KLK10: variants seen among roughly 807,000 people sequenced by gnomAD.
KLK10 encodes kallikrein-10.
In KLK10, 27 loss-of-function variants were observed where a neutral mutation model predicts 25.7. The observed-to-expected ratio is 1.05, with a 90% CI of 0.77 to 1.45. KLK10 has a LOEUF of 1.45. KLK10 is among the 40% of genes most tolerant of loss of function. The pLI is 0.00. For missense variants in KLK10, 386 were observed against 370.0 expected (o/e 1.04, Z -0.35); for synonymous variants, 173 against 160.1 (o/e 1.08, Z -0.61).
rs760749338 is a variant in KLK10 at position 51,014,955 on chromosome 19, G to C, written c.679-3C>G. 17 of 1,612,146 alleles carry C rather than the reference G, an allele frequency of 1.1e-5. No individual in the cohort carries two copies. The South Asian group carries it at 1.9e-4, about 18-fold the overall frequency. On this transcript the variant is annotated splice_region_variant and splice_polypyrimidine_tract_variant and intron_variant, in intron 5 of 5. Coordinates refer to ENST00000358789, the MANE Select transcript of KLK10 (RefSeq NM_145888.3). Reference sequence around the variant, plus strand: ...ACCAGGGGGCCTCCAGAGTCACTCTGGGGGTGGCAGGAAGGAGAGATCAAA... The same window carrying C: ...ACCAGGGGGCCTCCAGAGTCACTCTCGGGGTGGCAGGAAGGAGAGATCAAA...
At chr19:51,017,408 G>T (rs751044170) in intron 2 of KLK10, 118 bp from the exon 3 acceptor site, 7 of 903,778 alleles carry the variant, frequency 7.7e-6, no homozygotes, top group African/African-American at 3.4e-5. Context: ...AGAACGCGAG[G>T]GTGGTAGGGA....
At chr19:51,016,571 T>C (rs2091331068) in intron 3 of KLK10, among the ~76,000 whole-genome samples, 1 of 150,762 alleles carries the variant, frequency 6.6e-6, no homozygotes, top group African/African-American at 2.4e-5. Flanking sequence ...CCTTTTTTTT[T>C]TTTTAATTTT....
chr19:51,016,963 C>CAA, intron 3 of KLK10, 147 bp downstream of exon 3: 1 of 824,360 alleles, frequency 1.2e-6, no homozygotes, highest in East Asian at 2.8e-5. Flanking sequence ...GGCCACAGCG[C>CAA]AAGCCCGGTC....
chr19:51,016,820 TA>T (rs1294658377), intron 3 of KLK10, among the ~76,000 whole-genome samples: 1 of 152,114 alleles, frequency 6.6e-6, no homozygotes, highest in African/African-American at 2.4e-5. Context: ...CCTTTAGTTC[TA>T]AATTCCTGAC....
Position 51,014,798 on chromosome 19 carries a change from G to A in KLK10, c.*2C>T, listed in dbSNP as rs1189597539. 1 of 1,576,012 alleles carries A rather than the reference G, an allele frequency of 6.3e-7. No individual in the cohort carries two copies. On this transcript the variant is annotated 3_prime_UTR_variant, in exon 6 of 6. Transcript: ENST00000358789. ...TGGATCAGCTGGAGCGTAGCATCTG[G>A]ATCAGTTGGAGCGTATGACTTTATT...
chr19:51,018,245 G>C (rs1256849816), intron 2 of KLK10, among the ~76,000 whole-genome samples: 1 of 134,500 alleles, frequency 7.4e-6, no homozygotes, highest in Non-Finnish European at 1.6e-5. Context: ...AAAAATAAGA[G>C]AGAAAGTAAA....
chr19:51,016,443 G>A (rs993090326), intron 3 of KLK10, among the ~76,000 whole-genome samples: 3 of 151,930 alleles, frequency 2.0e-5, no homozygotes, highest in African/African-American at 4.8e-5. Context: ...ACCCAGGCTA[G>A]AATGCAATGG....
chr19:51,019,546 C>A lies in KLK10; in HGVS notation c.-10+81G>T, dbSNP rs982208102. On this transcript the variant is annotated intron_variant, in intron 1 of 5. Transcript: ENST00000358789. The surrounding 1 kb of genome is among the most constrained non-coding windows in gnomAD (Gnocchi z 4.2). ...AGGTGGAGAAACCGAGGCTCTAAGC[C>A]GGCTCCTGCCTGTGGCCCGGGGGTC... 7.5e-5 allele frequency: 12 copies of A among 160,464 alleles called. No individual in the cohort carries two copies. Among genetic ancestry groups the A allele is most frequent in the Non-Finnish European group, 1.1e-4 (8 of 73,526 alleles). 9.9% of individuals were successfully genotyped at this position (160,464 alleles called of 1,614,324 possible).
At chr19:51,017,627 G>T (rs1288102705) in intron 2 of KLK10, among the ~76,000 whole-genome samples, 1 of 151,572 alleles carries the variant, frequency 6.6e-6, no homozygotes, top group East Asian at 1.9e-4. Flanking sequence ...GGAGGTAAGG[G>T]TGCGGGGATA....
intron 5 of KLK10, 90 bp from the exon 6 acceptor site, chr19:51,015,042 G>T: frequency 8.4e-7 from 1 of 1,187,396 alleles, no homozygotes; most frequent in Non-Finnish European, 1.2e-6. Context: ...GAAGGAAGGA[G>T]TTGGGTTGGG....
rs2091284124 is a variant in KLK10 at position 51,012,994 on chromosome 19, C to T, written c.*1806G>A. The T allele has an allele frequency of 6.6e-6, 1 of 152,152 alleles. No individual in the cohort carries two copies. The highest frequency in any genetic ancestry group is 1.5e-5 in the Non-Finnish European group (1 of 68,036). 9.4% of individuals were successfully genotyped at this position (152,152 alleles called of 1,614,324 possible). The stretch of plus-strand genomic sequence containing the variant: ...CTTTGAGGCCTGGCATAAGACGTGG[C>T]TCGATAAACATTGTGGAGTGACTAA... On this transcript the variant is annotated 3_prime_UTR_variant, in exon 6 of 6. Transcript: ENST00000358789.
At position 51,017,229 on chromosome 19, in the gene KLK10, G is replaced by A; in HGVS notation, c.150C>T (p.Ser50=). 6.2e-7 allele frequency: 1 copy of A among 1,612,692 alleles called. No homozygotes were observed. The highest frequency in any genetic ancestry group is 8.5e-7 in the Non-Finnish European group (1 of 1,179,638). The stretch of plus-strand genomic sequence containing the variant: ...AGGGCTGCGAGCCGCGCGCGCACGG[G>A]GAGCCATAGGCTTCGGGGTCCAAGC... The part of the protein sequence containing the change: ...DTRLDPEAYG[S]PCARGSQPWQ... Residue 50 remains serine (S), a synonymous_variant, in exon 3 of 6, where the codon TCC becomes TCT. Coordinates refer to ENST00000358789, the MANE Select transcript of KLK10 (RefSeq NM_145888.3).
rs1445998316 is a variant in KLK10, at chr19:51,017,457, G to T, written c.89-167C>A. On this transcript the variant is annotated intron_variant, in intron 2 of 5. Transcript: ENST00000358789. ...TCGCGTGCACCGAAGGGAATGGGAG[G>T]AGAAGAAGCGCGTGAAAGTGGAAGG... 3.3e-5 allele frequency: 21 copies of T among 633,146 alleles called. No individual in the cohort carries two copies. In the Admixed American group the frequency reaches 6.6e-4, roughly 20 times the overall value. The allele number at this position is 633,146 out of a possible 1,614,324, so 39.2% of individuals were successfully genotyped here.
chr19:51,019,187 GACCCCCAC>G lies in KLK10; in HGVS notation c.-9-56_-9-49del. ...GGGTTAAAACAGATGCTCCGTTAGA[GACCCCCAC>G]CTCGCCGCGCTCATCCGCCCAGCCT... is the stretch of plus-strand genomic sequence containing the variant. On this transcript the variant is annotated intron_variant, in intron 1 of 5. Transcript: ENST00000358789. The surrounding 1 kb of genome is among the most constrained non-coding windows in gnomAD (Gnocchi z 4.2). 2 of 1,305,266 alleles carry G rather than the reference GACCCCCAC, an allele frequency of 1.5e-6. No individual in the cohort carries two copies. The highest frequency in any genetic ancestry group is 2.0e-5 in the Admixed American group (1 of 49,214). The allele number at this position is 1,305,266 out of a possible 1,614,324, so 80.9% of individuals were successfully genotyped here.
chr19:51,017,557 G>A (rs994833942), intron 2 of KLK10, among the ~76,000 whole-genome samples: 4 of 152,004 alleles, frequency 2.6e-5, no homozygotes, highest in African/African-American at 9.7e-5. Context: ...AACGCAGCGC[G>A]CCTGGAGAGC....
chr19:51,018,866 G>C (rs2091371590), intron 2 of KLK10, 177 bp downstream of exon 2: 2 of 608,358 alleles, frequency 3.3e-6, no homozygotes, highest in Admixed American at 5.5e-5. Flanking sequence ...GGTCACCCAG[G>C]GGCCGAGCCA....
intron 3 of KLK10, 150 bp from the exon 4 acceptor site, chr19:51,016,306 T>G: frequency 3.5e-5 from 29 of 835,650 alleles, no homozygotes; most frequent in Non-Finnish European, 5.0e-5. Context: ...GGAGGAGGAA[T>G]CAGTTGTTTG....
upstream of KLK10, chr19:51,020,095 T>A (rs1568567534): frequency 6.6e-6 from 1 of 152,092 alleles, no homozygotes; most frequent in African/African-American, 2.4e-5. Context: ...GAAGCCAGAC[T>A]GTGGAAGAGG....
At position 51,015,512 on chromosome 19, in the gene KLK10, T is replaced by C. The variant is rs1211272679; in HGVS notation, c.583A>G (p.Ile195Val). 5 of 1,613,786 alleles carry C rather than the reference T, an allele frequency of 3.1e-6. No homozygotes were observed. The highest frequency in any genetic ancestry group is 4.2e-6 in the Non-Finnish European group (5 of 1,179,874). ...NKGLTCSSIT[I>V]LSPKECEVFY... ...ACCTCACACTCTTTAGGGCTCAGGA[T>C]AGTGATGCTGGAGCAGGTCAGGCCC... The change falls in exon 5 of 6, where the codon ATC becomes GTC. Residue 195 changes from isoleucine (I) to valine (V), a missense_variant. Physicochemically the swap from Ile to Val is conservative, Grantham distance 29. Transcript: ENST00000358789.
Sources: gnomAD v4.1 joint callset for allele counts (sites outside exome capture counted in the v4.1 genomes callset) on GRCh38, gnomAD v4.1.1 for gene constraint, Gnocchi (gnomAD v3.1) non-coding constraint, MANE v1.5 for transcripts, NCBI Gene and HGNC (gene_info 2026-07-23, HGNC 2026-07-21) for gene names.